Variants in FRMD3 observed in about 807,000 individuals in gnomAD.
The protein encoded by FRMD3 is FERM domain-containing protein 3.
A neutral mutation model predicts 70.2 loss-of-function variants in FRMD3; 33 were observed. That is an observed-to-expected ratio of 0.47 (90% CI 0.36 to 0.63). The LOEUF is 0.63. Ranked by LOEUF, FRMD3 falls within the 20% of genes least tolerant of loss-of-function variation. The pLI is 0.00. For missense variants in FRMD3, 632 were observed against 711.4 expected, an observed-to-expected ratio of 0.89 and a Z score of 1.27; for synonymous variants, 279 against 255.9, an observed-to-expected ratio of 1.09 and a Z score of -0.86.
intron 13 of FRMD3, among the ~76,000 whole-genome samples, chr9:83,271,076 G>A (rs958589452): frequency 2.0e-5 from 3 of 152,106 alleles, no homozygotes; most frequent in African/African-American, 7.2e-5. Context: ...AAAATGGTGA[G>A]GATACTGGGT....
At chr9:83,291,508 G>C (rs1343243986) in intron 12 of FRMD3, among the ~76,000 whole-genome samples, 2 of 152,046 alleles carry the variant, frequency 1.3e-5, no homozygotes, top group Admixed American at 1.3e-4. Context: ...ACTTTAAAAA[G>C]GAGTCAAATG....
intron 6 of FRMD3, among the ~76,000 whole-genome samples, chr9:83,333,981 C>G (rs1823486884): frequency 1.3e-5 from 2 of 152,130 alleles, no homozygotes; most frequent in South Asian, 4.1e-4. Flanking sequence ...TAAGTAAATG[C>G]TCAATAAGTG....
intron 5 of FRMD3, among the ~76,000 whole-genome samples, chr9:83,341,965 G>A (rs1273033511): frequency 6.6e-6 from 1 of 151,878 alleles, no homozygotes; most frequent in Admixed American, 6.6e-5. Context: ...GTAGGCAGAT[G>A]ATCATAACCG....
chr9:83,254,938 A>G (rs1357942358), intron 13 of FRMD3, among the ~76,000 whole-genome samples: 3 of 152,200 alleles, frequency 2.0e-5, no homozygotes, highest in African/African-American at 7.2e-5. Flanking sequence ...CTGAAACTGA[A>G]TTCTACCAGA....
At chr9:83,356,434 T>C (rs1441330554) in intron 3 of FRMD3, among the ~76,000 whole-genome samples, 2 of 151,696 alleles carry the variant, frequency 1.3e-5, no homozygotes, top group East Asian at 3.9e-4. Context: ...CGCCACCACT[T>C]CCGGCTAATT....
intron 13 of FRMD3, among the ~76,000 whole-genome samples, chr9:83,276,958 A>G (rs1481967144): frequency 2.0e-5 from 3 of 152,214 alleles, no homozygotes; most frequent in Non-Finnish European, 4.4e-5. Context: ...GATCCACCCA[A>G]AAGTGCTGGG....
intron 1 of FRMD3, among the ~76,000 whole-genome samples, chr9:83,422,007 C>T (rs547342336): frequency 7.2e-5 from 11 of 152,124 alleles, no homozygotes; most frequent in Non-Finnish European, 1.5e-4. Context: ...AGTGGATCAC[C>T]GGAGGTCAGG....
intron 1 of FRMD3, among the ~76,000 whole-genome samples, chr9:83,395,350 G>T (rs994328200): frequency 6.7e-6 from 1 of 150,232 alleles, no homozygotes; most frequent in Non-Finnish European, 1.5e-5. Flanking sequence ...TTTATTTTAC[G>T]TTCATGGGTA....
chr9:83,485,934 T>C (rs1240288260), intron 1 of FRMD3, among the ~76,000 whole-genome samples: 1 of 152,072 alleles, frequency 6.6e-6, no homozygotes, highest in Non-Finnish European at 1.5e-5. Flanking sequence ...AAAAAAGAGC[T>C]ATTTTACAGG....
At chr9:83,419,807 T>C (rs887440154) in intron 1 of FRMD3, among the ~76,000 whole-genome samples, 1 of 152,242 alleles carries the variant, frequency 6.6e-6, no homozygotes, top group Non-Finnish European at 1.5e-5. Flanking sequence ...CAACCCTAAC[T>C]CTATACCTGA....
intron 1 of FRMD3, among the ~76,000 whole-genome samples, chr9:83,450,204 C>T (rs1003021004): frequency 4.1e-5 from 5 of 121,108 alleles, no homozygotes; most frequent in Non-Finnish European, 6.8e-5. Context: ...TGTGTGCACC[C>T]GTGCGCGCAC....
chr9:83,410,382 T>C (rs975137518), intron 1 of FRMD3, among the ~76,000 whole-genome samples: 12 of 152,228 alleles, frequency 7.9e-5, no homozygotes, highest in Non-Finnish European at 1.8e-4. Flanking sequence ...CTGCCACTTA[T>C]ACATGCGAAC....
chr9:83,518,717 C>T (rs1829505761), intron 1 of FRMD3, among the ~76,000 whole-genome samples: 5 of 152,002 alleles, frequency 3.3e-5, no homozygotes, highest in East Asian at 1.9e-4. Context: ...AAGCTGGAAG[C>T]ATCACGCTAC....
intron 1 of FRMD3, among the ~76,000 whole-genome samples, chr9:83,393,907 A>G (rs1237351059): frequency 3.3e-5 from 5 of 149,660 alleles, no homozygotes; most frequent in African/African-American, 1.2e-4. Context: ...ATTTAATTCT[A>G]TTGTGTGTGT....
intron 1 of FRMD3, among the ~76,000 whole-genome samples, chr9:83,455,755 C>G (rs76181194): frequency 0.016 from 2,398 of 152,194 alleles, 61 homozygotes; most frequent in African/African-American, 0.054. Context: ...ACCAAGTTTG[C>G]TGATAAAAAT....
chr9:83,283,542 AAAAAAATAAT>A (rs1190573939), intron 13 of FRMD3, among the ~76,000 whole-genome samples: 8,150 of 63,940 alleles, frequency 0.13, 241 homozygotes, highest in South Asian at 0.23. Flanking sequence ...AAAAAAAAAA[AAAAAAATAAT>A]AATAATAATA....
At chr9:83,448,241 A>G (rs1564082387) in intron 1 of FRMD3, among the ~76,000 whole-genome samples, 1 of 152,160 alleles carries the variant, frequency 6.6e-6, no homozygotes, top group Non-Finnish European at 1.5e-5. Flanking sequence ...AAATATTATA[A>G]TATTTGATGA....
intron 13 of FRMD3, among the ~76,000 whole-genome samples, chr9:83,255,866 A>G (rs61160810): frequency 0.12 from 17,627 of 152,186 alleles, 3,318 homozygotes; most frequent in African/African-American, 0.4. Context: ...CTGCTCAAAG[A>G]AATCAGAGAT....
intron 6 of FRMD3, among the ~76,000 whole-genome samples, chr9:83,326,206 G>C (rs958962641): frequency 5.9e-5 from 9 of 152,288 alleles, no homozygotes; most frequent in African/African-American, 2.2e-4. Context: ...GCAGGTAACA[G>C]ATGTGAATCT....
Sources: gnomAD v4.1 joint callset for allele counts (sites outside exome capture counted in the v4.1 genomes callset) on GRCh38, gnomAD v4.1.1 for gene constraint, MANE v1.5 for transcripts, NCBI Gene and HGNC (gene_info 2026-07-23, HGNC 2026-07-21) for gene names.